Variants in MAGI2 observed in about 807,000 individuals in gnomAD.
MAGI2 encodes the protein membrane-associated guanylate kinase, WW and PDZ domain-containing protein 2.
A neutral mutation model predicts 133.3 loss-of-function variants in MAGI2; 35 were observed. That is an observed-to-expected ratio of 0.26 (90% CI 0.20 to 0.35). The LOEUF is 0.35. Among genes scored for constraint, MAGI2 ranks in the 10% least tolerant of loss-of-function variants. The pLI, the probability that MAGI2 is intolerant of heterozygous loss-of-function variation, is 1.00. For synonymous variants in MAGI2, 729 were observed against 710.6 expected, an observed-to-expected ratio of 1.03 and a Z score of -0.41; for missense variants, 1,636 against 1,863.4, an observed-to-expected ratio of 0.88 and a Z score of 2.25.
intron 1 of MAGI2, among the ~76,000 whole-genome samples, chr7:79,012,488 G>C (rs1224758062): frequency 6.6e-6 from 1 of 152,040 alleles, no homozygotes; most frequent in Non-Finnish European, 1.5e-5. Flanking sequence ...TATGTTACAA[G>C]CTTCCCAGGA....
intron 6 of MAGI2, among the ~76,000 whole-genome samples, chr7:78,478,996 G>A (rs568750710): frequency 1.2e-4 from 18 of 151,872 alleles, no homozygotes; most frequent in Admixed American, 5.3e-4. Context: ...ATAAGTGGTG[G>A]CATCAGTAGA....
At chr7:78,767,343 C>T (rs1050335311) in intron 2 of MAGI2, among the ~76,000 whole-genome samples, 2 of 149,566 alleles carry the variant, frequency 1.3e-5, no homozygotes, top group Admixed American at 1.3e-4. Flanking sequence ...AAAAAGGCAA[C>T]ACACTTTTTT....
intron 6 of MAGI2, among the ~76,000 whole-genome samples, chr7:78,404,804 C>G (rs1449756208): frequency 2.0e-5 from 3 of 152,058 alleles, no homozygotes; most frequent in Non-Finnish European, 4.4e-5. Context: ...GCAACAAAAA[C>G]CAAAATTGAC....
intron 1 of MAGI2, among the ~76,000 whole-genome samples, chr7:79,424,436 T>C (rs1366941378): frequency 2.0e-5 from 3 of 152,092 alleles, no homozygotes; most frequent in Middle Eastern, 3.4e-3. Context: ...GTTGGGAAGA[T>C]GGTCTAAAGA....
chr7:78,321,161 GA>G lies in MAGI2; in HGVS notation c.1408+22616del, dbSNP rs1787964023. On this transcript the variant is annotated intron_variant, in intron 9 of 21. Transcript: ENST00000354212. ...AAGAACATTCTATACTCATGGATAG[GA>G]AGAATCAGTATCATGAAAATGGCCA... is the stretch of plus-strand genomic sequence containing the variant. Among the ~76,000 whole-genome samples the G allele has an allele frequency of 2.6e-5, 4 of 152,256 alleles. No individual in the cohort carries two copies. In the South Asian group the frequency reaches 8.3e-4, roughly 32 times the overall value.
intron 7 of MAGI2, chr7:78,358,342 C>G (rs1180310610): frequency 6.6e-6 from 1 of 151,540 alleles, no homozygotes; most frequent in African/African-American, 2.4e-5. Context: ...TTGTGGGCCA[C>G]CCGGCAGCCA....
intron 3 of MAGI2, among the ~76,000 whole-genome samples, chr7:78,525,160 C>T (rs1796843808): frequency 6.6e-6 from 1 of 151,958 alleles, no homozygotes; most frequent in African/African-American, 2.4e-5. Context: ...TGAAATACAT[C>T]AGATTAAATT....
chr7:78,808,536 G>A (rs534918241), intron 2 of MAGI2, among the ~76,000 whole-genome samples: 35 of 152,348 alleles, frequency 2.3e-4, no homozygotes, highest in South Asian at 1.9e-3. Flanking sequence ...GATTACAGGC[G>A]TGAGCCACTG....
chr7:78,585,544 G>A (rs938044194), intron 3 of MAGI2, among the ~76,000 whole-genome samples: 5 of 152,160 alleles, frequency 3.3e-5, no homozygotes, highest in African/African-American at 9.7e-5. Flanking sequence ...GAAAGAAGAA[G>A]GGGTATTTAA....
intron 1 of MAGI2, among the ~76,000 whole-genome samples, chr7:79,071,521 T>C (rs944037495): frequency 6.6e-6 from 1 of 152,124 alleles, no homozygotes; most frequent in Non-Finnish European, 1.5e-5. Flanking sequence ...CAGGCAGGGA[T>C]GTGTAAGTCT....
intron 7 of MAGI2, chr7:78,348,399 T>C (rs960252604): frequency 6.6e-5 from 10 of 152,218 alleles, no homozygotes; most frequent in Non-Finnish European, 2.9e-5. Context: ...AACCCAACAA[T>C]GAAGTTATGG....
At chr7:78,104,953 T>A (rs1327579801) in intron 20 of MAGI2, among the ~76,000 whole-genome samples, 2 of 147,606 alleles carry the variant, frequency 1.4e-5, no homozygotes, top group Non-Finnish European at 3.0e-5. Flanking sequence ...ACTAACCGCC[T>A]TAACAAATAG....
intron 1 of MAGI2, among the ~76,000 whole-genome samples, chr7:79,427,164 G>A (rs1051466690): frequency 2.6e-5 from 4 of 152,152 alleles, no homozygotes; most frequent in South Asian, 2.1e-4. Context: ...AATATTTACC[G>A]AGTACTTACT....
chr7:78,802,459 A>G (rs959971632), intron 2 of MAGI2, among the ~76,000 whole-genome samples: 1 of 152,192 alleles, frequency 6.6e-6, no homozygotes, highest in Admixed American at 6.5e-5. Flanking sequence ...TTTACATTTT[A>G]AAAAGACCTT....
intron 1 of MAGI2, among the ~76,000 whole-genome samples, chr7:79,430,779 C>T (rs949311874): frequency 2.0e-5 from 3 of 152,172 alleles, no homozygotes; most frequent in African/African-American, 7.2e-5. Flanking sequence ...GCTTCTCTAA[C>T]AGATGAGGAC....
intron 1 of MAGI2, among the ~76,000 whole-genome samples, chr7:79,347,055 C>T (rs1446723488): frequency 6.6e-6 from 1 of 151,936 alleles, no homozygotes; most frequent in African/African-American, 2.4e-5. Flanking sequence ...CAATTCTCGA[C>T]TGCAACAATC....
At chr7:78,274,204 A>T (rs549560765) in intron 9 of MAGI2, among the ~76,000 whole-genome samples, 1 of 152,150 alleles carries the variant, frequency 6.6e-6, no homozygotes, top group Non-Finnish European at 1.5e-5. Context: ...CCTCTGCTGC[A>T]GGTCTCCTGG....
intron 1 of MAGI2, among the ~76,000 whole-genome samples, chr7:79,385,618 C>T (rs1043797848): frequency 2.6e-5 from 4 of 151,678 alleles, no homozygotes; most frequent in Non-Finnish European, 5.9e-5. Flanking sequence ...TAAGTGAGAT[C>T]ATGCCGTATT....
chr7:78,304,137 A>T (rs1165440746), intron 9 of MAGI2, among the ~76,000 whole-genome samples: 1 of 152,070 alleles, frequency 6.6e-6, no homozygotes, highest in Non-Finnish European at 1.5e-5. Flanking sequence ...TGACTCTTAC[A>T]CTTTCATTGC....
Sources: allele counts gnomAD v4.1 joint callset (sites outside exome capture counted in the v4.1 genomes callset), GRCh38; gene constraint gnomAD v4.1.1; transcripts MANE v1.5; gene names NCBI Gene and HGNC (gene_info 2026-07-23, HGNC 2026-07-21).